PCDH9: variants seen among roughly 807,000 people sequenced by gnomAD.
PCDH9 encodes the protein protocadherin 9.
In PCDH9, 24 loss-of-function variants were observed where a neutral mutation model predicts 70.6. That is an observed-to-expected ratio of 0.34 (90% CI 0.25 to 0.48). The LOEUF (loss-of-function observed/expected upper bound fraction) is 0.48, where lower values mean the gene tolerates loss of function less well. Ranked by LOEUF, PCDH9 falls within the 20% of genes least tolerant of loss-of-function variation. The probability of loss-of-function intolerance (pLI) is 0.99; values close to 1 mark genes in which losing one functional copy is unlikely to be tolerated. For synonymous variants in PCDH9, 562 were observed against 558.5 expected (o/e 1.01, Z -0.09); for missense variants, 1,281 against 1,503.6 (o/e 0.85, Z 2.45).
intron 4 of PCDH9, among the ~76,000 whole-genome samples, chr13:66,473,044 T>G (rs1326161403): frequency 6.6e-5 from 10 of 151,956 alleles, no homozygotes. Flanking sequence ...TGGATTGATT[T>G]GCAATAGGTA....
chr13:66,330,133 T>G (rs1955917084), intron 4 of PCDH9, among the ~76,000 whole-genome samples: 1 of 152,250 alleles, frequency 6.6e-6, no homozygotes, highest in African/African-American at 2.4e-5. Flanking sequence ...TACATGCCAC[T>G]TGCACATGGC....
At chr13:66,737,732 G>C (rs1242634326) in intron 3 of PCDH9, among the ~76,000 whole-genome samples, 2 of 152,202 alleles carry the variant, frequency 1.3e-5, no homozygotes, top group Non-Finnish European at 2.9e-5. Context: ...AGAAAGGGGT[G>C]ACGGACGCAC....
rs144495733 is a variant in PCDH9, at chr13:67,072,964, A to G, written c.3036+152441T>C. ...TCCAACAAAAGAAAAATTTTGAAAT[A>G]ATGGTTGACCACATGCAGGAATGAA... On this transcript the variant is annotated intron_variant, in intron 2 of 4. Coordinates refer to ENST00000377865, the MANE Select transcript of PCDH9 (RefSeq NM_203487.3). Among the ~76,000 whole-genome samples, 555 of 152,326 alleles carry G rather than the reference A, an allele frequency of 3.6e-3. 5 individuals carry two copies. Among genetic ancestry groups the G allele is most frequent in the African/African-American group, 0.013 (532 of 41,594 alleles).
intron 4 of PCDH9, among the ~76,000 whole-genome samples, chr13:66,387,980 G>A (rs915501235): frequency 1.1e-4 from 16 of 151,972 alleles, no homozygotes; most frequent in African/African-American, 3.4e-4. Flanking sequence ...GCTAATATTC[G>A]GCAGTTTTTA....
chr13:67,216,072 AGT>A (rs2089593269), intron 2 of PCDH9: 1 of 152,206 alleles, frequency 6.6e-6, no homozygotes, highest in Non-Finnish European at 1.5e-5. Context: ...GAGGATGCAC[AGT>A]CCCTGCAAAT....
At chr13:66,981,820 C>A (rs2083776817) in intron 2 of PCDH9, among the ~76,000 whole-genome samples, 1 of 152,040 alleles carries the variant, frequency 6.6e-6, no homozygotes, top group Non-Finnish European at 1.5e-5. Context: ...TACTGAAGAG[C>A]AAAGTTGAAA....
chr13:67,164,304 C>T (rs1457165298), intron 2 of PCDH9, among the ~76,000 whole-genome samples: 6 of 152,030 alleles, frequency 3.9e-5, no homozygotes, highest in African/African-American at 7.2e-5. Flanking sequence ...ACGCCGGGCG[C>T]GGTGGCCCAT....
chr13:66,730,200 T>C (rs1287858171), intron 3 of PCDH9, among the ~76,000 whole-genome samples: 1 of 152,158 alleles, frequency 6.6e-6, no homozygotes, highest in Non-Finnish European at 1.5e-5. Flanking sequence ...CCTGGAATCT[T>C]TCTTTTTCTT....
At chr13:67,051,512 C>A (rs759946386) in intron 2 of PCDH9, among the ~76,000 whole-genome samples, 1 of 150,576 alleles carries the variant, frequency 6.6e-6, no homozygotes, top group Non-Finnish European at 1.5e-5. Context: ...CCTGCCTCAG[C>A]CTCCCGAATA....
At chr13:66,453,295 C>A (rs1384342502) in intron 4 of PCDH9, among the ~76,000 whole-genome samples, 2 of 152,082 alleles carry the variant, frequency 1.3e-5, no homozygotes, top group African/African-American at 2.4e-5. Context: ...AAAAATCTGA[C>A]TCCACTCTTT....
At chr13:66,824,412 T>C (rs1169230625) in intron 3 of PCDH9, among the ~76,000 whole-genome samples, 1 of 146,954 alleles carries the variant, frequency 6.8e-6, no homozygotes, top group African/African-American at 2.5e-5. Flanking sequence ...TCCCAGCACT[T>C]TGGGAGGCCA....
chr13:67,195,819 C>T (rs990698437), intron 2 of PCDH9, among the ~76,000 whole-genome samples: 1 of 152,028 alleles, frequency 6.6e-6, no homozygotes, highest in Non-Finnish European at 1.5e-5. Context: ...TAGCTGACTC[C>T]ATGTATATGG....
At chr13:66,972,127 C>A (rs1052074361) in intron 2 of PCDH9, among the ~76,000 whole-genome samples, 2 of 151,864 alleles carry the variant, frequency 1.3e-5, no homozygotes, top group South Asian at 4.1e-4. Context: ...AAAGCTCCAC[C>A]TGAATGTATT....
chr13:67,011,628 A>G (rs2084453466), intron 2 of PCDH9, among the ~76,000 whole-genome samples: 1 of 151,872 alleles, frequency 6.6e-6, no homozygotes, highest in Admixed American at 6.6e-5. Flanking sequence ...ATAGGACCTG[A>G]GGCATTTCAT....
At chr13:66,450,097 G>GA (rs1350730182) in intron 4 of PCDH9, among the ~76,000 whole-genome samples, 2 of 151,970 alleles carry the variant, frequency 1.3e-5, no homozygotes, top group Non-Finnish European at 2.9e-5. Flanking sequence ...AAGAAACAGT[G>GA]AAAAAACACA....
intron 4 of PCDH9, among the ~76,000 whole-genome samples, chr13:66,408,074 C>T (rs1957310196): frequency 8.7e-6 from 1 of 114,372 alleles, no homozygotes. Context: ...TTTTTTGAGA[C>T]GGAGTCTCGC....
intron 4 of PCDH9, among the ~76,000 whole-genome samples, chr13:66,389,649 C>G (rs1046309589): frequency 3.9e-5 from 6 of 152,166 alleles, no homozygotes; most frequent in African/African-American, 1.4e-4. Context: ...CTGCTCTCAG[C>G]TGGCTAAAAC....
intron 2 of PCDH9, among the ~76,000 whole-genome samples, chr13:67,080,392 A>G (rs1318243841): frequency 6.6e-6 from 1 of 152,226 alleles, no homozygotes; most frequent in Non-Finnish European, 1.5e-5. Context: ...CCTAGATTTC[A>G]GAACACCAAC....
At chr13:66,835,954 A>G (rs1258295502) in intron 3 of PCDH9, among the ~76,000 whole-genome samples, 1 of 152,210 alleles carries the variant, frequency 6.6e-6, no homozygotes, top group East Asian at 1.9e-4. Context: ...TCAAAAGCAT[A>G]TCATTTTAAA....
Sources: allele counts gnomAD v4.1 joint callset (sites outside exome capture counted in the v4.1 genomes callset), GRCh38; gene constraint gnomAD v4.1.1; transcripts MANE v1.5; gene names NCBI Gene and HGNC (gene_info 2026-07-23, HGNC 2026-07-21).